The following PLA2R1 variants were observed in gnomAD, a reference collection of about 807,000 sequenced individuals.
PLA2R1 encodes the protein phospholipase A2 receptor 1, also known as secretory phospholipase A2 receptor.
PLA2R1 carries 158 observed loss-of-function variants against 195.9 expected under a neutral mutation model. That is an observed-to-expected ratio of 0.81 (90% CI 0.71 to 0.92). PLA2R1 has a LOEUF of 0.92. PLA2R1 is among the 40% of genes least tolerant of loss of function. The pLI, the probability that PLA2R1 is intolerant of heterozygous loss-of-function variation, is 0.00. For synonymous variants in PLA2R1, 586 were observed against 598.2 expected, an observed-to-expected ratio of 0.98 and a Z score of 0.30; for missense variants, 1,626 against 1,764.6, an observed-to-expected ratio of 0.92 and a Z score of 1.41.
At chr2:159,959,884 C>G (rs1376281142) in intron 20 of PLA2R1, among the ~76,000 whole-genome samples, 1 of 152,170 alleles carries the variant, frequency 6.6e-6, no homozygotes, top group African/African-American at 2.4e-5. Context: ...TATCTTAGCC[C>G]AACCTACCAG....
At chr2:160,025,719 C>G (rs898145373) in intron 6 of PLA2R1, among the ~76,000 whole-genome samples, 6 of 146,956 alleles carry the variant, frequency 4.1e-5, no homozygotes, top group African/African-American at 5.0e-5. Flanking sequence ...AAGGAAGAAA[C>G]AAAGAATCTA....
intron 8 of PLA2R1, among the ~76,000 whole-genome samples, chr2:160,019,455 C>T (rs1182025356): frequency 2.0e-5 from 3 of 152,222 alleles, no homozygotes; most frequent in African/African-American, 7.2e-5. Flanking sequence ...ACACTTGGAT[C>T]TGTCCACTTC....
chr2:160,022,820 G>A lies in PLA2R1; in HGVS notation c.1139C>T (p.Pro380Leu), dbSNP rs750131730. 1 of 1,612,610 alleles carries A rather than the reference G, an allele frequency of 6.2e-7. No individual in the cohort carries two copies. Among genetic ancestry groups the A allele is most frequent in the Non-Finnish European group, 8.5e-7 (1 of 1,179,284 alleles). Residue 380 changes from proline (P) to leucine (L), a missense_variant, in exon 7 of 30, where the codon CCT (proline) becomes CTT (leucine). Physicochemically the swap from Pro to Leu is moderately conservative, Grantham distance 98. Coordinates refer to ENST00000283243, the MANE Select transcript of PLA2R1 (RefSeq NM_007366.5). Reference protein sequence around the residue: ...AWKYYATHCEPGWNPYNRNCY... With the variant: ...AWKYYATHCELGWNPYNRNCY... ...ATTACGATTGTAGGGATTCCAGCCA[G>A]GCTCACAGTGGGTAGCATAATATTT...
At chr2:160,028,153 A>C in intron 6 of PLA2R1, 65 bp downstream of exon 6, 4 of 1,078,910 alleles carry the variant, frequency 3.7e-6, no homozygotes, top group Non-Finnish European at 5.4e-6. Context: ...AAAATAGAGA[A>C]ATTTACATAT....
intron 7 of PLA2R1, among the ~76,000 whole-genome samples, chr2:160,021,121 T>C (rs879760916): frequency 1.8e-4 from 28 of 152,098 alleles, no homozygotes; most frequent in African/African-American, 4.6e-4. Context: ...AGTTTTTTTT[T>C]CCCCAACAGA....
In PLA2R1 at chr2:159,932,457, A is replaced by G. The variant is rs892272053; in HGVS notation, c.*9321T>C. On this transcript the variant is annotated 3_prime_UTR_variant, in exon 30 of 30. Coordinates refer to ENST00000283243, the MANE Select transcript of PLA2R1 (RefSeq NM_007366.5). Reference sequence around the variant, plus strand: ...CCACATTTTGGGCTAAGAACTCCAAAGCCCTTGGTGACTCACTGAGGCAAC... The same window carrying G: ...CCACATTTTGGGCTAAGAACTCCAAGGCCCTTGGTGACTCACTGAGGCAAC... 1 of 152,240 alleles carries G rather than the reference A, an allele frequency of 6.6e-6. No individual in the cohort carries two copies. Among genetic ancestry groups the G allele is most frequent in the Non-Finnish European group, 1.5e-5 (1 of 68,086 alleles). 9.4% of individuals were successfully genotyped at this position (152,240 alleles called of 1,614,324 possible). A position where few individuals can be genotyped will look rare whatever the true frequency, so the allele number is the denominator to read the frequency against.
At chr2:160,007,044 A>G (rs1004560978) in intron 10 of PLA2R1, among the ~76,000 whole-genome samples, 1 of 152,256 alleles carries the variant, frequency 6.6e-6, no homozygotes, top group African/African-American at 2.4e-5. Context: ...ACTTTAGTAA[A>G]TATTTTCTGC....
chr2:160,050,680 G>T (rs1218827293), intron 1 of PLA2R1, among the ~76,000 whole-genome samples: 1 of 152,208 alleles, frequency 6.6e-6, no homozygotes, highest in Non-Finnish European at 1.5e-5. Flanking sequence ...ATATGTCATA[G>T]TGTTTGCCTG....
In PLA2R1 at chr2:160,005,649, C is replaced by A; in HGVS notation, c.1834+3G>T. The A allele has an allele frequency of 6.2e-7, 1 of 1,612,314 alleles. No homozygotes were observed. On this transcript the variant is annotated splice_donor_region_variant and intron_variant, in intron 11 of 29. Coordinates refer to ENST00000283243, the MANE Select transcript of PLA2R1 (RefSeq NM_007366.5). ...GGTTGGTGATGCAGCACACTCTACT[C>A]ACGCGGCTGGTGTGTGTTCCAGTGT... is the stretch of plus-strand genomic sequence containing the variant.
chr2:159,942,618 C>T (rs1469902105), intron 28 of PLA2R1, among the ~76,000 whole-genome samples: 6 of 152,174 alleles, frequency 3.9e-5, no homozygotes, highest in Non-Finnish European at 7.3e-5. Context: ...CTGCCTGACT[C>T]TTTGTAAGGA....
Position 160,033,024 on chromosome 2 carries a change from GA to G in PLA2R1, c.775del (p.Ser259HisfsTer10). On this transcript the variant is annotated frameshift_variant, in exon 4 of 30. Coordinates refer to ENST00000283243, the MANE Select transcript of PLA2R1 (RefSeq NM_007366.5). LOFTEE classifies it high-confidence loss of function. ...CAGCGTACCTCCTTGCATCTGGCATGAAGAATGTGCCTCACTCCAAGAGAGA... is the reference window on the plus strand; with the variant it reads ...CAGCGTACCTCCTTGCATCTGGCATGAGAATGTGCCTCACTCCAAGAGAGA... ...SSLSWSEAHS[S>X]CQMQGGTLLS... The G allele has an allele frequency of 6.2e-7, 1 of 1,613,462 alleles. No homozygotes were observed. Among genetic ancestry groups the G allele is most frequent in the Admixed American group, 1.7e-5 (1 of 59,966 alleles).
In PLA2R1 at chr2:160,042,131, CTGA is replaced by C. The variant is rs1428895775; in HGVS notation, c.558_560del (p.His186del). The C allele has an allele frequency of 6.2e-6, 10 of 1,613,996 alleles. No individual in the cohort carries two copies. Among genetic ancestry groups the C allele is most frequent in the Admixed American group, 5.0e-5 (3 of 60,014 alleles). On this transcript the variant is annotated inframe_deletion, in exon 3 of 30. Coordinates refer to ENST00000283243, the MANE Select transcript of PLA2R1 (RefSeq NM_007366.5). ...CTTCACGGGTACATTCATGATGCCACTGATGGTTATACTGGAAGGGAAACATAC... is the reference window on the plus strand; with the variant it reads ...CTTCACGGGTACATTCATGATGCCACTGGTTATACTGGAAGGGAAACATAC...
rs116967868 is a variant in PLA2R1, at chr2:160,048,003, G to A, written c.110-2846C>T. On this transcript the variant is annotated intron_variant, in intron 1 of 29. Transcript: ENST00000283243. ...ACCATGCCTGGCTAATTGTTTGTTT[G>A]TTTGTTTTTGGTAGAGACAGGATCT... Among the ~76,000 whole-genome samples, 277 of 152,006 alleles carry A rather than the reference G, an allele frequency of 1.8e-3. 6 individuals carry two copies. The East Asian group carries it at 0.045, about 25-fold the overall frequency.
chr2:160,037,801 C>T (rs1430547266), intron 3 of PLA2R1, among the ~76,000 whole-genome samples: 1 of 152,158 alleles, frequency 6.6e-6, no homozygotes, highest in Non-Finnish European at 1.5e-5. Flanking sequence ...CTCAGGAAAA[C>T]CTTCCATGAC....
intron 4 of PLA2R1, among the ~76,000 whole-genome samples, chr2:160,029,552 C>A (rs1345876086): frequency 6.6e-6 from 1 of 152,022 alleles, no homozygotes; most frequent in Non-Finnish European, 1.5e-5. Flanking sequence ...GGCTCTGTGG[C>A]CCCTCCTCTT....
chr2:159,955,708 T>C lies in PLA2R1; in HGVS notation c.3143A>G (p.Asp1048Gly). ...PVVYSNWSPF[D>G]IINIPSHNTT... ...AATCTTAAAACTTACATTTATTATA[T>C]CAAATGGAGACCAGTTAGAATATAC... Residue 1048 changes from aspartate (D) to glycine (G), a missense_variant, in exon 22 of 30, where the codon GAT becomes GGT. Transcript: ENST00000283243. The C allele has an allele frequency of 1.3e-6, 2 of 1,489,040 alleles. No individual in the cohort carries two copies. Among genetic ancestry groups the C allele is most frequent in the Non-Finnish European group, 1.8e-6 (2 of 1,103,196 alleles). 92.2% of individuals were successfully genotyped at this position (1,489,040 alleles called of 1,614,324 possible).
At chr2:159,952,590 A>T (rs1687812641) in intron 23 of PLA2R1, among the ~76,000 whole-genome samples, 2 of 152,168 alleles carry the variant, frequency 1.3e-5, no homozygotes, top group African/African-American at 4.8e-5. Flanking sequence ...GCTGGGACTT[A>T]ATCCTATTCC....
intron 27 of PLA2R1, chr2:159,946,093 G>A: frequency 1.2e-6 from 1 of 855,800 alleles, no homozygotes; most frequent in African/African-American, 1.8e-5. Flanking sequence ...CGGTAGGAGA[G>A]TCCATCCCAT....
At chr2:160,004,624 T>C (rs548240371) in intron 11 of PLA2R1, among the ~76,000 whole-genome samples, 18 of 152,324 alleles carry the variant, frequency 1.2e-4, no homozygotes, top group South Asian at 2.1e-4. Flanking sequence ...TTCCTCTAGA[T>C]ACAAACTTAG....
Sources: allele counts gnomAD v4.1 joint callset (sites outside exome capture counted in the v4.1 genomes callset), GRCh38; gene constraint gnomAD v4.1.1; transcripts MANE v1.5; gene names NCBI Gene and HGNC (gene_info 2026-07-23, HGNC 2026-07-21).